CLEC12A: variants seen among roughly 807,000 people sequenced by gnomAD.
CLEC12A encodes the protein C-type lectin protein CLL-1.
A neutral mutation model predicts 26.5 loss-of-function variants in CLEC12A; 22 were observed. The observed-to-expected ratio is 0.83, with a 90% CI of 0.59 to 1.19. The LOEUF is 1.19. Ranked by LOEUF, CLEC12A falls within the 50% of genes most tolerant of loss-of-function variation. CLEC12A has a pLI of 0.00. For synonymous variants in CLEC12A, 119 were observed against 101.9 expected, an observed-to-expected ratio of 1.17 and a Z score of -1.01; for missense variants, 353 against 315.6, an observed-to-expected ratio of 1.12 and a Z score of -0.90.
intron 4 of CLEC12A, among the ~76,000 whole-genome samples, chr12:9,993,598 G>A (rs1409232042): frequency 1.3e-5 from 2 of 152,094 alleles, no homozygotes; most frequent in Non-Finnish European, 2.9e-5. Context: ...TTATCTACAA[G>A]ATCAGACTTT....
At chr12:9,955,800 T>C (rs1276119075) in intron 1 of CLEC12A, among the ~76,000 whole-genome samples, 1 of 152,190 alleles carries the variant, frequency 6.6e-6, no homozygotes, top group Non-Finnish European at 1.5e-5. Context: ...TGTGATTGCT[T>C]CTCCTATCAG....
upstream of CLEC12A, among the ~76,000 whole-genome samples, chr12:9,967,288 C>A (rs996173720): frequency 6.1e-5 from 6 of 98,738 alleles, no homozygotes; most frequent in East Asian, 3.5e-4. Flanking sequence ...AGGGAGGGAC[C>A]AATGTGTAAA....
At chr12:9,956,572 G>A (rs1056664407) in intron 1 of CLEC12A, among the ~76,000 whole-genome samples, 8 of 152,166 alleles carry the variant, frequency 5.3e-5, no homozygotes, top group Non-Finnish European at 1.0e-4. Context: ...TATTGGTTGT[G>A]CTCGAGAGGC....
chr12:9,989,112 G>C (rs370703305), downstream of CLEC12A, among the ~76,000 whole-genome samples: 350 of 149,846 alleles, frequency 2.3e-3, 3 homozygotes, highest in East Asian at 9.7e-3. Context: ...GTATTGCAAG[G>C]ACAAAAAACC....
chr12:9,981,535 A>C (rs1381964068), intron 4 of CLEC12A, among the ~76,000 whole-genome samples: 1 of 152,204 alleles, frequency 6.6e-6, no homozygotes, highest in Non-Finnish European at 1.5e-5. Flanking sequence ...TACTCTAGAA[A>C]AAATTTTTAA....
the CLEC12A span, among the ~76,000 whole-genome samples, chr12:10,004,597 C>T: frequency 6.6e-6 from 1 of 151,874 alleles, no homozygotes; most frequent in Non-Finnish European, 1.5e-5. Flanking sequence ...GTCTGCTCAT[C>T]TGATCTGGAG....
chr12:9,955,988 C>G (rs1269879692), intron 1 of CLEC12A, among the ~76,000 whole-genome samples: 1 of 152,166 alleles, frequency 6.6e-6, no homozygotes, highest in East Asian at 1.9e-4. Flanking sequence ...AAAAAAGATA[C>G]AAGAACTGAC....
At chr12:9,995,351 A>G (rs536908601) in exon 5 of CLEC12A, 19 of 883,744 alleles carry the variant, frequency 2.1e-5, no homozygotes, top group Non-Finnish European at 3.2e-5. Context: ...GTTGGATTAC[A>G]TGTCTATATT....
chr12:9,989,929 A>G (rs993760020), downstream of CLEC12A, among the ~76,000 whole-genome samples: 2 of 152,148 alleles, frequency 1.3e-5, no homozygotes, highest in Non-Finnish European at 2.9e-5. Flanking sequence ...TGCTAAATGT[A>G]CCTGCCAATG....
intron 1 of CLEC12A, among the ~76,000 whole-genome samples, chr12:9,952,388 GC>G (rs1258500402): frequency 2.0e-5 from 3 of 150,710 alleles, no homozygotes; most frequent in Non-Finnish European, 4.4e-5. Context: ...TGTTGGCCGG[GC>G]CGGTCTCCAG....
Position 9,985,246 on chromosome 12 carries a change from A to G in CLEC12A, c.*220A>G, listed in dbSNP as rs1864732268. 2.3e-6 allele frequency: 1 copy of G among 442,096 alleles called. No individual in the cohort carries two copies. Among genetic ancestry groups the G allele is most frequent in the East Asian group, 3.5e-5 (1 of 28,254 alleles). 27.4% of individuals were successfully genotyped at this position (442,096 alleles called of 1,614,324 possible). A position where few individuals can be genotyped will look rare whatever the true frequency, so the allele number is the denominator to read the frequency against. ...CATGTCCCACCTCCCACTTTCCATC[A>G]TGGCCTGAACCCTGGAGGAAGAGGA... On this transcript the variant is annotated 3_prime_UTR_variant, in exon 6 of 6. Coordinates refer to ENST00000304361, the MANE Select transcript of CLEC12A (RefSeq NM_138337.6).
chr12:9,959,180 G>T (rs767193291), intron 1 of CLEC12A, among the ~76,000 whole-genome samples: 1 of 152,198 alleles, frequency 6.6e-6, no homozygotes, highest in Non-Finnish European at 1.5e-5. Context: ...GCTGGGCGTG[G>T]TGGCTCACTC....
chr12:9,959,787 C>T (rs766689884), intron 1 of CLEC12A, among the ~76,000 whole-genome samples: 4 of 152,094 alleles, frequency 2.6e-5, no homozygotes, highest in Non-Finnish European at 1.5e-5. Context: ...TGCCCCTTGC[C>T]CTGCTGAGGG....
At chr12:9,991,177 A>C (rs911986854) in intron 4 of CLEC12A, 2 of 152,206 alleles carry the variant, frequency 1.3e-5, no homozygotes, top group Admixed American at 6.6e-5. Flanking sequence ...AAATTGAAGA[A>C]GACAGAAGTC....
downstream of CLEC12A, chr12:9,986,165 G>T: frequency 2.2e-6 from 1 of 454,950 alleles, no homozygotes; most frequent in Non-Finnish European, 4.4e-6. Flanking sequence ...TTTCCTGGAA[G>T]TAAAACAAGA....
chr12:9,975,364 C>T (rs1338775867), intron 1 of CLEC12A, among the ~76,000 whole-genome samples: 1 of 152,064 alleles, frequency 6.6e-6, no homozygotes, highest in Non-Finnish European at 1.5e-5. Context: ...GGTGATAAGG[C>T]TGAGGTGGTC....
At chr12:9,962,543 A>G (rs1044358092) in intron 1 of CLEC12A, among the ~76,000 whole-genome samples, 6 of 152,052 alleles carry the variant, frequency 3.9e-5, no homozygotes, top group Non-Finnish European at 7.4e-5. Flanking sequence ...AGAGTCAGCG[A>G]AGGGAGATAG....
At chr12:9,998,426 A>G (rs761091827), downstream of CLEC12A, 2 of 1,460,304 alleles carry the variant, frequency 1.4e-6, no homozygotes, top group Non-Finnish European at 1.9e-6. Context: ...AGTATGGGTT[A>G]GCTATGGGGA....
upstream of CLEC12A, among the ~76,000 whole-genome samples, chr12:9,970,879 A>G (rs1318465724): frequency 6.6e-6 from 1 of 152,224 alleles, no homozygotes; most frequent in East Asian, 1.9e-4. Flanking sequence ...GGCAAAAACC[A>G]CAATTACTTT....
Sources: gnomAD v4.1 joint callset for allele counts (sites outside exome capture counted in the v4.1 genomes callset) on GRCh38, gnomAD v4.1.1 for gene constraint, MANE v1.5 for transcripts, NCBI Gene and HGNC (gene_info 2026-07-23, HGNC 2026-07-21) for gene names.